GRM1: variants seen among roughly 807,000 people sequenced by gnomAD.
GRM1 encodes the protein glutamate metabotropic receptor 1, also known as metabotropic glutamate receptor 1.
In GRM1, 33 loss-of-function variants were observed where a neutral mutation model predicts 90.9. The ratio of observed to expected loss-of-function variants is 0.36; its 90% confidence interval spans 0.28 to 0.49. The LOEUF is 0.49. Among genes scored for constraint, GRM1 ranks in the 20% least tolerant of loss-of-function variants. The pLI, the probability that GRM1 is intolerant of heterozygous loss-of-function variation, is 0.99. For missense variants in GRM1, 1,190 were observed against 1,534.3 expected (o/e 0.78, Z 3.75); for synonymous variants, 700 against 613.2 (o/e 1.14, Z -2.09).
At chr6:146,238,777 T>G (rs911647792) in intron 2 of GRM1, among the ~76,000 whole-genome samples, 1 of 152,156 alleles carries the variant, frequency 6.6e-6, no homozygotes, top group Non-Finnish European at 1.5e-5. Flanking sequence ...GACAGATTTA[T>G]GATTTTAATG....
At chr6:146,121,963 C>T (rs1012872476) in intron 1 of GRM1, among the ~76,000 whole-genome samples, 3 of 152,116 alleles carry the variant, frequency 2.0e-5, no homozygotes, top group African/African-American at 7.2e-5. Context: ...TGGTGCAGAG[C>T]TGAGTTCAAT....
At chr6:146,185,864 A>G (rs1238930167) in intron 2 of GRM1, among the ~76,000 whole-genome samples, 1 of 152,138 alleles carries the variant, frequency 6.6e-6, no homozygotes, top group East Asian at 1.9e-4. Flanking sequence ...TAATACCATT[A>G]AGCTCATTTT....
chr6:146,342,014 A>T (rs1784999008), intron 3 of GRM1, among the ~76,000 whole-genome samples: 1 of 152,192 alleles, frequency 6.6e-6, no homozygotes, highest in African/African-American at 2.4e-5. Context: ...TGCACTTGAA[A>T]CTTTTTAAGT....
chr6:146,267,813 C>T (rs1023758743), intron 2 of GRM1, among the ~76,000 whole-genome samples: 1 of 151,848 alleles, frequency 6.6e-6, no homozygotes, highest in African/African-American at 2.4e-5. Context: ...AGATTGTGCC[C>T]ACCAGATTAA....
intron 1 of GRM1, among the ~76,000 whole-genome samples, chr6:146,050,723 T>C (rs1164649208): frequency 6.6e-6 from 1 of 152,050 alleles, no homozygotes; most frequent in Non-Finnish European, 1.5e-5. Context: ...AATTTTCCAT[T>C]GTAGTGTTAG....
intron 2 of GRM1, among the ~76,000 whole-genome samples, chr6:146,215,838 G>A (rs1232804975): frequency 2.0e-5 from 3 of 151,018 alleles, no homozygotes; most frequent in African/African-American, 7.3e-5. Context: ...CTCACTGTAA[G>A]CTCCGCCTCC....
intron 7 of GRM1, among the ~76,000 whole-genome samples, chr6:146,430,138 A>T (rs1035609210): frequency 6.6e-6 from 1 of 152,210 alleles, no homozygotes; most frequent in Non-Finnish European, 1.5e-5. Context: ...AATGCCAAAG[A>T]TACACTAATC....
chr6:146,205,215 A>G (rs548141975), intron 2 of GRM1, among the ~76,000 whole-genome samples: 3 of 152,332 alleles, frequency 2.0e-5, no homozygotes, highest in African/African-American at 7.2e-5. Flanking sequence ...AAAGGAGGTC[A>G]TTGAGTTATG....
intron 6 of GRM1, among the ~76,000 whole-genome samples, chr6:146,395,818 G>A (rs1425799181): frequency 6.6e-6 from 1 of 152,074 alleles, no homozygotes; most frequent in Non-Finnish European, 1.5e-5. Context: ...GTCAGGTAAA[G>A]TTGCATAGAA....
intron 6 of GRM1, among the ~76,000 whole-genome samples, chr6:146,397,654 T>C (rs146001264): frequency 4.3e-4 from 66 of 152,234 alleles, no homozygotes; most frequent in African/African-American, 1.5e-3. Flanking sequence ...TTCTGAGAGC[T>C]GGTTGACATC....
intron 2 of GRM1, among the ~76,000 whole-genome samples, chr6:146,173,981 T>C (rs1435383591): frequency 6.6e-6 from 1 of 152,052 alleles, no homozygotes; most frequent in Non-Finnish European, 1.5e-5. Flanking sequence ...TACTCAGAGT[T>C]GTAGTTTCAG....
Position 146,224,624 on chromosome 6 carries a change from C to T in GRM1, c.950+65027C>T, listed in dbSNP as rs535025129. On this transcript the variant is annotated intron_variant, in intron 2 of 7. Transcript: ENST00000282753. ...CTTCTTATCACAAGAGTCTGTGTTT[C>T]GTAACATGTCCAGTCCGGTGTAATA... is the stretch of plus-strand genomic sequence containing the variant. 4.6e-5 allele frequency among the ~76,000 whole-genome samples: 7 copies of T among 152,226 alleles called. No homozygotes were observed. The South Asian group carries it at 6.2e-4, about 14-fold the overall frequency.
chr6:146,147,959 T>C (rs1310016138), intron 1 of GRM1, among the ~76,000 whole-genome samples: 1 of 152,246 alleles, frequency 6.6e-6, no homozygotes, highest in African/African-American at 2.4e-5. Context: ...GATTTCAGGA[T>C]TTCTATCAAG....
intron 5 of GRM1, among the ~76,000 whole-genome samples, chr6:146,371,307 C>A (rs1374265438): frequency 6.6e-6 from 1 of 151,944 alleles, no homozygotes; most frequent in Non-Finnish European, 1.5e-5. Flanking sequence ...TCCCACAGTT[C>A]TTTTTACTTT....
chr6:146,135,536 C>A (rs1776587248), intron 1 of GRM1, among the ~76,000 whole-genome samples: 1 of 152,204 alleles, frequency 6.6e-6, no homozygotes, highest in Non-Finnish European at 1.5e-5. Flanking sequence ...AACTCCTTCA[C>A]TTCACATATA....
chr6:146,279,175 A>G (rs529420410), intron 2 of GRM1, among the ~76,000 whole-genome samples: 2 of 152,164 alleles, frequency 1.3e-5, no homozygotes, highest in East Asian at 3.9e-4. Flanking sequence ...GTTCCTTTTA[A>G]TGTGTATGGA....
At chr6:146,112,000 C>G (rs1442443200) in intron 1 of GRM1, among the ~76,000 whole-genome samples, 1 of 152,220 alleles carries the variant, frequency 6.6e-6, no homozygotes, top group Non-Finnish European at 1.5e-5. Context: ...ATGTGGCACT[C>G]TATGACACAC....
intron 5 of GRM1, among the ~76,000 whole-genome samples, chr6:146,368,952 T>A (rs1775799900): frequency 1.3e-5 from 2 of 152,036 alleles, no homozygotes; most frequent in South Asian, 4.1e-4. Context: ...TCCAGTAGAA[T>A]TCAGCAGTGA....
chr6:146,252,229 G>T (rs576051288), intron 2 of GRM1, among the ~76,000 whole-genome samples: 6 of 152,238 alleles, frequency 3.9e-5, no homozygotes, highest in African/African-American at 1.4e-4. Context: ...AACAAGCAAA[G>T]ATTATACATG....
Sources: gnomAD v4.1 joint callset for allele counts (sites outside exome capture counted in the v4.1 genomes callset) on GRCh38, gnomAD v4.1.1 for gene constraint, MANE v1.5 for transcripts, NCBI Gene and HGNC (gene_info 2026-07-23, HGNC 2026-07-21) for gene names.